OXSR1: variants seen among roughly 807,000 people sequenced by gnomAD.
The protein encoded by OXSR1 is oxidative stress responsive kinase 1, also known as serine/threonine-protein kinase OSR1.
Under a neutral mutation model 79.8 loss-of-function variants are expected in OXSR1, and 24 were observed. That is an observed-to-expected ratio of 0.30 (90% confidence interval 0.22 to 0.42). OXSR1 has a LOEUF of 0.42. Among genes scored for constraint, OXSR1 ranks in the 10% least tolerant of loss-of-function variants. The probability of loss-of-function intolerance (pLI) is 1.00; values close to 1 mark genes in which losing one functional copy is unlikely to be tolerated. For synonymous variants in OXSR1, 226 were observed against 209.2 expected, an observed-to-expected ratio of 1.08 and a Z score of -0.69; for missense variants, 430 against 618.4, an observed-to-expected ratio of 0.70 and a Z score of 3.23.
intron 8 of OXSR1, among the ~76,000 whole-genome samples, chr3:38,226,033 T>C (rs1702681733): frequency 6.6e-6 from 1 of 151,884 alleles, no homozygotes; most frequent in Non-Finnish European, 1.5e-5. Context: ...AGGTTTAGAG[T>C]CTATACTCCC....
rs893073733 is a variant in OXSR1, at chr3:38,254,588, T to C, written c.*1697T>C. On this transcript the variant is annotated 3_prime_UTR_variant, in exon 18 of 18. Coordinates refer to ENST00000311806, the MANE Select transcript of OXSR1 (RefSeq NM_005109.3). ...CCAGCTTGCTAGAAAAATACTTAGC[T>C]TTTCTTTTTCTTTTTTTGTGGAGGG... 34 of 230,944 alleles carry C rather than the reference T, an allele frequency of 1.5e-4. 1 individual carries two copies. The highest frequency in any genetic ancestry group is 1.3e-3 in the Middle Eastern group (1 of 752). The allele number at this position is 230,944 out of a possible 1,614,324, so 14.3% of individuals were successfully genotyped here. A position where few individuals can be genotyped will look rare whatever the true frequency, so the allele number is the denominator to read the frequency against.
intron 5 of OXSR1, among the ~76,000 whole-genome samples, chr3:38,217,863 A>G (rs78857287): frequency 0.012 from 1,877 of 152,312 alleles, 18 homozygotes; most frequent in Non-Finnish European, 0.02. Flanking sequence ...AAGTGAACTC[A>G]TACAATATTT....
rs548207312 is a variant in OXSR1 at position 38,234,704 on chromosome 3, A to G, written c.952-2135A>G. On this transcript the variant is annotated intron_variant, in intron 10 of 17. Coordinates refer to ENST00000311806, the MANE Select transcript of OXSR1 (RefSeq NM_005109.3). ...TGGCAGTTCCTCAGAAGCCTAAACA[A>G]AGTCACCAGGTGACCCAGCAGTTCT... 3.3e-5 allele frequency among the ~76,000 whole-genome samples: 5 copies of G among 152,330 alleles called. No individual in the cohort carries two copies. The South Asian group carries it at 1.0e-3, about 32-fold the overall frequency.
chr3:38,179,458 T>C (rs565582945), intron 1 of OXSR1, among the ~76,000 whole-genome samples: 22 of 152,340 alleles, frequency 1.4e-4, no homozygotes, highest in South Asian at 6.2e-4. Flanking sequence ...TGAGTCATTA[T>C]TTCTGGCCTA....
At chr3:38,208,339 A>G (rs1702311032) in intron 4 of OXSR1, among the ~76,000 whole-genome samples, 1 of 152,182 alleles carries the variant, frequency 6.6e-6, no homozygotes, top group East Asian at 1.9e-4. Flanking sequence ...ATTGGGACAC[A>G]ACTCCATTGC....
chr3:38,195,139 C>T (rs1237096929), intron 3 of OXSR1, among the ~76,000 whole-genome samples: 1 of 152,086 alleles, frequency 6.6e-6, no homozygotes, highest in Non-Finnish European at 1.5e-5. Context: ...GTATAAATAG[C>T]TATTTCCAGT....
chr3:38,185,136 A>C (rs940405176), intron 2 of OXSR1, among the ~76,000 whole-genome samples: 1 of 151,552 alleles, frequency 6.6e-6, no homozygotes, highest in Admixed American at 6.6e-5. Context: ...AAAAAAATTG[A>C]ATACGACTTA....
chr3:38,245,688 T>C (rs1703125341), intron 12 of OXSR1, among the ~76,000 whole-genome samples: 1 of 152,092 alleles, frequency 6.6e-6, no homozygotes, highest in Non-Finnish European at 1.5e-5. Flanking sequence ...TTATAGAAAT[T>C]AGGATCAGTT....
chr3:38,249,089 T>A (rs763024154), intron 14 of OXSR1, among the ~76,000 whole-genome samples: 7 of 152,196 alleles, frequency 4.6e-5, no homozygotes, highest in Non-Finnish European at 1.0e-4. Context: ...CATGTTATAT[T>A]TGAGATGGGT....
chr3:38,224,941 A>G (rs1031990971), intron 8 of OXSR1: 61 of 244,832 alleles, frequency 2.5e-4, no homozygotes, highest in African/African-American at 1.3e-3. Context: ...AAAGTTGTAC[A>G]TTGTGAATTC....
intron 12 of OXSR1, among the ~76,000 whole-genome samples, chr3:38,243,485 G>T (rs1031449322): frequency 3.9e-5 from 6 of 152,094 alleles, no homozygotes; most frequent in African/African-American, 1.4e-4. Context: ...TTGTTAAACA[G>T]ATTCTTATTG....
intron 10 of OXSR1, among the ~76,000 whole-genome samples, chr3:38,232,984 C>T (rs1035701367): frequency 3.3e-5 from 5 of 152,036 alleles, no homozygotes; most frequent in Admixed American, 1.3e-4. Flanking sequence ...ATTAATAGTG[C>T]CAGGTACCTC....
chr3:38,226,048 T>C (rs1702682005), intron 8 of OXSR1, among the ~76,000 whole-genome samples: 1 of 152,122 alleles, frequency 6.6e-6, no homozygotes, highest in Non-Finnish European at 1.5e-5. Context: ...ACTCCCTATG[T>C]TATCCAGGAA....
intron 3 of OXSR1, among the ~76,000 whole-genome samples, chr3:38,192,984 C>T (rs1160196053): frequency 6.6e-6 from 1 of 152,214 alleles, no homozygotes; most frequent in African/African-American, 2.4e-5. Context: ...CCCAGAGAGA[C>T]TATAAACAAC....
chr3:38,227,259 G>C (rs907646771), intron 8 of OXSR1, among the ~76,000 whole-genome samples: 18 of 152,172 alleles, frequency 1.2e-4, no homozygotes, highest in African/African-American at 4.3e-4. Flanking sequence ...AATTCTCACA[G>C]TAATCCTTTG....
intron 1 of OXSR1, among the ~76,000 whole-genome samples, chr3:38,173,810 A>G (rs1701628830): frequency 6.6e-6 from 1 of 152,230 alleles, no homozygotes; most frequent in Non-Finnish European, 1.5e-5. Context: ...AATGAAGCAA[A>G]CACAAAAAAT....
chr3:38,182,209 G>C (rs759437932), intron 1 of OXSR1, among the ~76,000 whole-genome samples: 3 of 152,158 alleles, frequency 2.0e-5, no homozygotes, highest in Non-Finnish European at 2.9e-5. Flanking sequence ...TATCTCTGCA[G>C]CTGCCTGGGC....
rs943585565 is a variant in OXSR1 at position 38,183,105 on chromosome 3, A to G, written c.173A>G (p.Asp58Gly). ...INLEKCQTSM[D>G]ELLKEIQAMS... Reference sequence around the variant, plus strand: ...CTTGAGAAATGTCAAACTAGCATGGATGAACTCCTGGTATGCACATCTTAT... The same window carrying G: ...CTTGAGAAATGTCAAACTAGCATGGGTGAACTCCTGGTATGCACATCTTAT... The change falls in exon 2 of 18, where the codon GAT becomes GGT. Residue 58 changes from aspartate (D) to glycine (G), a missense_variant. Asp to Gly is a moderately conservative substitution (Grantham distance 94). This residue lies in a region of OXSR1 where 145 missense variants were observed against 228.3 expected (regional missense o/e 0.64). Transcript: ENST00000311806. The G allele has an allele frequency of 1.9e-6, 3 of 1,587,266 alleles. No homozygotes were observed. In the African/African-American group the frequency reaches 4.0e-5, roughly 21 times the overall value.
chr3:38,186,729 T>G (rs751961497), intron 2 of OXSR1, among the ~76,000 whole-genome samples: 4 of 152,238 alleles, frequency 2.6e-5, no homozygotes, highest in Non-Finnish European at 5.9e-5. Context: ...ATTTGGGCTG[T>G]TTCTACTTCT....
Sources: gnomAD v4.1 joint callset for allele counts (sites outside exome capture counted in the v4.1 genomes callset) on GRCh38, gnomAD v4.1.1 for gene constraint, gnomAD v4.1.1 regional missense constraint, MANE v1.5 for transcripts, NCBI Gene and HGNC (gene_info 2026-07-23, HGNC 2026-07-21) for gene names.